The following PPHLN1 variants were observed in gnomAD, a reference collection of about 807,000 sequenced individuals.
PPHLN1 encodes the protein periphilin-1.
In PPHLN1, 29 loss-of-function variants were observed where a neutral mutation model predicts 51.3. The ratio of observed to expected loss-of-function variants is 0.57; its 90% CI spans 0.42 to 0.77. The LOEUF is 0.77. PPHLN1 is among the 30% of genes least tolerant of loss of function. The pLI is 0.00. For missense variants in PPHLN1, 436 were observed against 438.4 expected (o/e 0.99, Z 0.05); for synonymous variants, 147 against 147.8 (o/e 0.99, Z 0.04).
At chr12:42,402,703 CTTAAA>C (rs1489060823) in intron 9 of PPHLN1, among the ~76,000 whole-genome samples, 6 of 152,088 alleles carry the variant, frequency 3.9e-5, no homozygotes, top group Admixed American at 6.5e-5. Flanking sequence ...ACACAGGGCT[CTTAAA>C]TTAAAATAAG....
intron 7 of PPHLN1, among the ~76,000 whole-genome samples, chr12:42,390,451 T>C (rs1258795973): frequency 6.6e-6 from 1 of 152,236 alleles, no homozygotes; most frequent in Non-Finnish European, 1.5e-5. Flanking sequence ...AAATATTTTC[T>C]CTGAAATATA....
At chr12:42,419,366 C>T (rs1222076275) in intron 9 of PPHLN1, among the ~76,000 whole-genome samples, 4 of 148,950 alleles carry the variant, frequency 2.7e-5, no homozygotes, top group Admixed American at 6.8e-5. Flanking sequence ...CTCAGCCTCC[C>T]GAATAACTGG....
chr12:42,430,487 C>CT (rs1472116031), intron 9 of PPHLN1, among the ~76,000 whole-genome samples: 23 of 151,960 alleles, frequency 1.5e-4, no homozygotes, highest in South Asian at 4.2e-4. Flanking sequence ...ATACTATATT[C>CT]TTTTTTTGGT....
chr12:42,415,639 C>T (rs2080309496), intron 9 of PPHLN1, among the ~76,000 whole-genome samples: 1 of 152,238 alleles, frequency 6.6e-6, no homozygotes, highest in Non-Finnish European at 1.5e-5. Flanking sequence ...TTGGGGCAGC[C>T]ATGGCTTCAC....
chr12:42,355,201 C>T lies in PPHLN1; in HGVS notation c.278C>T (p.Ala93Val). The T allele has an allele frequency of 6.2e-7, 1 of 1,613,586 alleles. No individual in the cohort carries two copies. The highest frequency in any genetic ancestry group is 8.5e-7 in the Non-Finnish European group (1 of 1,179,702). The change falls in exon 4 of 10, where the codon GCA becomes GTA. Residue 93 changes from alanine to valine, a missense_variant. Transcript: ENST00000358314. ...GYRWTRDDHS[A>V]SRQPEYRDMR... ...AGATGGACAAGAGACGATCATTCTGCAAGCAGGCAACCTGAATACAGGTAA... is the reference window on the plus strand; with the variant it reads ...AGATGGACAAGAGACGATCATTCTGTAAGCAGGCAACCTGAATACAGGTAA...
At chr12:42,445,514 T>C (rs889713466), downstream of PPHLN1, 1 of 194,324 alleles carries the variant, frequency 5.1e-6, no homozygotes, top group Non-Finnish European at 1.1e-5. Context: ...GCGCACATGC[T>C]CTTCCTGGAA....
downstream of PPHLN1, chr12:42,446,333 C>G (rs1255100348): frequency 1.3e-6 from 2 of 1,526,686 alleles, no homozygotes; most frequent in Admixed American, 2.0e-5. Flanking sequence ...GTTACCCGTA[C>G]CTACTATACC....
chr12:42,340,866 C>CGTTA (rs890641608), intron 2 of PPHLN1, among the ~76,000 whole-genome samples: 2 of 151,886 alleles, frequency 1.3e-5, no homozygotes, highest in African/African-American at 4.8e-5. Context: ...AACCCACTAT[C>CGTTA]GTTAGTGCTT....
chr12:42,360,458 C>CT lies in PPHLN1; in HGVS notation c.299+5265dup, dbSNP rs71084642. ...ACAGTTCCTGAAGTGATGCTGAATT[C>CT]TTTTTTTTTTTTTTTTTTTTTTTTT... On this transcript the variant is annotated intron_variant, in intron 4 of 9. Transcript: ENST00000358314. Among the ~76,000 whole-genome samples, 495 of 56,284 alleles carry CT rather than the reference C, an allele frequency of 8.8e-3. 107 individuals are homozygous for CT. Among genetic ancestry groups the CT allele is most frequent in the African/African-American group, 0.033 (437 of 13,094 alleles). 36.9% of individuals were successfully genotyped at this position (56,284 alleles called of 152,430 possible).
chr12:42,345,909 A>G (rs898529605), intron 2 of PPHLN1, among the ~76,000 whole-genome samples: 7 of 149,218 alleles, frequency 4.7e-5, no homozygotes, highest in Admixed American at 1.3e-4. Flanking sequence ...TCCATTTTTT[A>G]TTTTTGTTTA....
intron 5 of PPHLN1, among the ~76,000 whole-genome samples, chr12:42,375,557 A>G (rs1473447355): frequency 6.6e-6 from 1 of 151,700 alleles, no homozygotes; most frequent in African/African-American, 2.4e-5. Flanking sequence ...TGATCCGCCC[A>G]CCTCTGCCTC....
intron 9 of PPHLN1, among the ~76,000 whole-genome samples, chr12:42,435,458 C>G (rs2082399029): frequency 1.3e-5 from 2 of 152,134 alleles, no homozygotes; most frequent in Non-Finnish European, 2.9e-5. Flanking sequence ...CAAAAGATAT[C>G]TTTTTCTATT....
chr12:42,383,007 T>C lies in PPHLN1; in HGVS notation c.512-1933T>C, dbSNP rs139409445. 9.3e-3 allele frequency among the ~76,000 whole-genome samples: 1,409 copies of C among 152,246 alleles called. 26 individuals carry two copies. The highest frequency in any genetic ancestry group is 0.032 in the African/African-American group (1,335 of 41,546). ...CAAACAAACCCCAAAACTTAGAGAA[T>C]TAAAACAATAATTACTTACTTGTTC... On this transcript the variant is annotated intron_variant, in intron 5 of 9. Transcript: ENST00000358314.
intron 2 of PPHLN1, among the ~76,000 whole-genome samples, chr12:42,337,510 G>C (rs905070100): frequency 6.6e-6 from 1 of 151,908 alleles, no homozygotes; most frequent in African/African-American, 2.4e-5. Context: ...TGACCAGGCT[G>C]GTCTCGAACT....
intron 4 of PPHLN1, among the ~76,000 whole-genome samples, chr12:42,364,325 ATACTT>A (rs2075033149): frequency 6.6e-6 from 1 of 151,572 alleles, no homozygotes; most frequent in Non-Finnish European, 1.5e-5. Context: ...AGTGGCCAAT[ATACTT>A]TACTTTTAAA....
intron 7 of PPHLN1, among the ~76,000 whole-genome samples, chr12:42,390,464 GCTATCTGAATATAAGTTA>G (rs1337011931): frequency 6.6e-6 from 1 of 152,102 alleles, no homozygotes; most frequent in African/African-American, 2.4e-5. Context: ...GAAATATACT[GCTATCTGAATATAAGTTA>G]CAACATAGAG....
intron 2 of PPHLN1, among the ~76,000 whole-genome samples, chr12:42,344,227 G>C (rs2071929813): frequency 6.6e-6 from 1 of 152,172 alleles, no homozygotes; most frequent in Non-Finnish European, 1.5e-5. Flanking sequence ...ATTGTAAGTT[G>C]ATTGTGATAG....
chr12:42,408,833 TCACAC>T (rs2079548912), intron 9 of PPHLN1, among the ~76,000 whole-genome samples: 4 of 152,212 alleles, frequency 2.6e-5, no homozygotes, highest in African/African-American at 9.6e-5. Context: ...AACTGATAAG[TCACAC>T]TGAGAAAAAA....
chr12:42,384,239 T>G (rs2077007441), intron 5 of PPHLN1, among the ~76,000 whole-genome samples: 1 of 152,042 alleles, frequency 6.6e-6, no homozygotes, highest in South Asian at 2.1e-4. Context: ...AAAATGTTAT[T>G]TTCTCAGAGA....
Sources: gnomAD v4.1 joint callset for allele counts (sites outside exome capture counted in the v4.1 genomes callset) on GRCh38, gnomAD v4.1.1 for gene constraint, MANE v1.5 for transcripts, NCBI Gene and HGNC (gene_info 2026-07-23, HGNC 2026-07-21) for gene names.